SEPTIN11: variants seen among roughly 807,000 people sequenced by gnomAD.
The protein encoded by SEPTIN11 is septin-11.
A neutral mutation model predicts 51.4 loss-of-function variants in SEPTIN11; 25 were observed. That is an observed-to-expected ratio of 0.49 (90% confidence interval 0.35 to 0.68). SEPTIN11 has a LOEUF of 0.68. Among genes scored for constraint, SEPTIN11 ranks in the 30% least tolerant of loss-of-function variants. SEPTIN11 has a pLI of 0.00. For missense variants in SEPTIN11, 381 were observed against 520.8 expected, an observed-to-expected ratio of 0.73 and a Z score of 2.61; for synonymous variants, 174 against 184.1, an observed-to-expected ratio of 0.95 and a Z score of 0.44.
intron 3 of SEPTIN11, among the ~76,000 whole-genome samples, chr4:77,010,293 C>T (rs1214959195): frequency 1.3e-5 from 2 of 152,066 alleles, no homozygotes; most frequent in Non-Finnish European, 2.9e-5. Context: ...TGTTTCTAAC[C>T]ACCATCCTCT....
At chr4:77,023,754 C>T (rs1029073589) in intron 7 of SEPTIN11, among the ~76,000 whole-genome samples, 3 of 152,000 alleles carry the variant, frequency 2.0e-5, no homozygotes, top group South Asian at 2.1e-4. Flanking sequence ...TGCACCTGAG[C>T]GGGAGGAATG....
intron 1 of SEPTIN11, chr4:76,974,802 T>C (rs1722411279): frequency 2.2e-6 from 1 of 456,500 alleles, no homozygotes; most frequent in Non-Finnish European, 4.4e-6. Context: ...AGTTGGATAT[T>C]TTATGGTAAG....
intron 1 of SEPTIN11, among the ~76,000 whole-genome samples, chr4:76,952,288 G>C (rs115882171): frequency 6.6e-6 from 1 of 152,154 alleles, no homozygotes; most frequent in Non-Finnish European, 1.5e-5. Context: ...AGAAAGGAAG[G>C]GTGCGCTGAG....
At chr4:76,986,180 T>A (rs1366944414) in intron 1 of SEPTIN11, among the ~76,000 whole-genome samples, 1 of 152,156 alleles carries the variant, frequency 6.6e-6, no homozygotes, top group African/African-American at 2.4e-5. Flanking sequence ...GGTCTATAAC[T>A]GTGCAGATTT....
chr4:77,029,805 CACAT>C (rs1299598623), intron 8 of SEPTIN11, among the ~76,000 whole-genome samples: 1 of 149,524 alleles, frequency 6.7e-6, no homozygotes, highest in African/African-American at 2.6e-5. Flanking sequence ...CACATATACA[CACAT>C]ATATACATAC....
At chr4:77,012,235 G>A (rs1307734231) in intron 4 of SEPTIN11, among the ~76,000 whole-genome samples, 1 of 151,620 alleles carries the variant, frequency 6.6e-6, no homozygotes, top group African/African-American at 2.4e-5. Flanking sequence ...TCTCTAAAAG[G>A]TGTTTAGAGG....
At chr4:76,955,873 GTTA>G (rs1279771825) in intron 1 of SEPTIN11, among the ~76,000 whole-genome samples, 3 of 152,154 alleles carry the variant, frequency 2.0e-5, no homozygotes, top group Non-Finnish European at 4.4e-5. Context: ...AGAACTAGAA[GTTA>G]TTATTTTCTT....
Position 77,019,146 on chromosome 4 carries a change from C to T in SEPTIN11, c.688-19C>T. On this transcript the variant is annotated intron_variant, in intron 5 of 9. Transcript: ENST00000264893. ...CAGAGCAGGGGAAAGTAACTATTCTCTGTCCTTTTGCTTGGCAGGTCCATC... is the reference window on the plus strand; with the variant it reads ...CAGAGCAGGGGAAAGTAACTATTCTTTGTCCTTTTGCTTGGCAGGTCCATC... The T allele has an allele frequency of 6.2e-7, 1 of 1,606,814 alleles. No homozygotes were observed. The highest frequency in any genetic ancestry group is 8.5e-7 in the Non-Finnish European group (1 of 1,176,210).
At chr4:76,981,672 G>T (rs1722775195) in intron 1 of SEPTIN11, among the ~76,000 whole-genome samples, 1 of 152,128 alleles carries the variant, frequency 6.6e-6, no homozygotes. Context: ...GAAAGCTTTA[G>T]CTTGATTAGA....
At position 77,038,253 on chromosome 4, in the gene SEPTIN11, C is replaced by T. The variant is rs1426139839; in HGVS notation, c.*3741C>T. The T allele has an allele frequency of 1.0e-6, 1 of 985,486 alleles. No individual in the cohort carries two copies. The highest frequency in any genetic ancestry group is 1.7e-5 in the African/African-American group (1 of 57,240). 61.0% of individuals were successfully genotyped at this position (985,486 alleles called of 1,614,324 possible). A position where few individuals can be genotyped will look rare whatever the true frequency, so the allele number is the denominator to read the frequency against. On this transcript the variant is annotated 3_prime_UTR_variant, in exon 10 of 10. Transcript: ENST00000264893. ...TGAAAAGCTGTGAACAGCATTAGAA[C>T]TTTGTCTATTTCTTAATTTTAAAAT...
intron 4 of SEPTIN11, among the ~76,000 whole-genome samples, chr4:77,013,254 A>C (rs1289234470): frequency 6.6e-6 from 1 of 152,256 alleles, no homozygotes; most frequent in Non-Finnish European, 1.5e-5. Flanking sequence ...ACCATAAAGC[A>C]GGTTAAACTT....
intron 1 of SEPTIN11, among the ~76,000 whole-genome samples, chr4:76,985,583 T>A (rs1722983702): frequency 6.6e-6 from 1 of 152,190 alleles, no homozygotes; most frequent in African/African-American, 2.4e-5. Context: ...CAGGTCTAGG[T>A]GGAAGAACGA....
chr4:76,967,168 G>A (rs1402923624), intron 1 of SEPTIN11, among the ~76,000 whole-genome samples: 1 of 152,144 alleles, frequency 6.6e-6, no homozygotes, highest in East Asian at 1.9e-4. Flanking sequence ...CTTTACTGCA[G>A]CCTGGGTGAC....
At position 77,036,660 on chromosome 4, in the gene SEPTIN11, T is replaced by TA. The variant is rs796956675; in HGVS notation, c.*2154dup. ...AGAAACAAATAGAAGCTTTTTTTTTTAAAAAATGTATTGCTTCTGAACTTT... is the reference window on the plus strand; with the variant it reads ...AGAAACAAATAGAAGCTTTTTTTTTTAAAAAAATGTATTGCTTCTGAACTTT... On this transcript the variant is annotated 3_prime_UTR_variant, in exon 10 of 10. Coordinates refer to ENST00000264893, the MANE Select transcript of SEPTIN11 (RefSeq NM_018243.4). The TA allele has an allele frequency of 1.4e-5, 21 of 1,482,882 alleles. No homozygotes were observed. The highest frequency in any genetic ancestry group is 2.6e-5 in the Admixed American group (1 of 38,414). The allele number at this position is 1,482,882 out of a possible 1,614,324, so 91.9% of individuals were successfully genotyped here. A position where few individuals can be genotyped will look rare whatever the true frequency, so the allele number is the denominator to read the frequency against.
At chr4:76,959,520 G>A (rs981993982) in intron 1 of SEPTIN11, among the ~76,000 whole-genome samples, 3 of 151,936 alleles carry the variant, frequency 2.0e-5, no homozygotes, top group Non-Finnish European at 4.4e-5. Flanking sequence ...ATCTCTCAGG[G>A]TGGCACTACT....
rs200255151 is a variant in SEPTIN11, at chr4:77,022,429, A to C, written c.953+1759A>C. ...AGGGAATAATTAGATCCAGTAAAAAAAAATTTTTTTCCATACTGGGTTAGA... is the reference window on the plus strand; with the variant it reads ...AGGGAATAATTAGATCCAGTAAAAACAAATTTTTTTCCATACTGGGTTAGA... On this transcript the variant is annotated intron_variant, in intron 7 of 9. Transcript: ENST00000264893. Among the ~76,000 whole-genome samples the C allele has an allele frequency of 4.6e-5, 7 of 152,302 alleles. No individual in the cohort carries two copies. In the East Asian group the frequency reaches 1.3e-3, roughly 29 times the overall value.
intron 1 of SEPTIN11, among the ~76,000 whole-genome samples, chr4:76,967,173 G>A (rs1722068805): frequency 6.6e-6 from 1 of 152,004 alleles, no homozygotes; most frequent in African/African-American, 2.4e-5. Context: ...CTGCAGCCTG[G>A]GTGACAGAGT....
intron 1 of SEPTIN11, among the ~76,000 whole-genome samples, chr4:76,983,075 A>C (rs1446414645): frequency 6.6e-6 from 1 of 152,180 alleles, no homozygotes; most frequent in Non-Finnish European, 1.5e-5. Context: ...AAATGGCCCC[A>C]AGATCCCAGC....
At chr4:77,011,636 C>T in intron 3 of SEPTIN11, 99 bp from the exon 4 acceptor site, 2 of 1,162,230 alleles carry the variant, frequency 1.7e-6, no homozygotes, top group African/African-American at 1.5e-5. Flanking sequence ...AGGACTTGGG[C>T]TTTAGCCCTT....
Sources: gnomAD v4.1 joint callset for allele counts (sites outside exome capture counted in the v4.1 genomes callset) on GRCh38, gnomAD v4.1.1 for gene constraint, MANE v1.5 for transcripts, NCBI Gene and HGNC (gene_info 2026-07-23, HGNC 2026-07-21) for gene names.